The following PRDM16 variants were observed in gnomAD, a reference collection of about 807,000 sequenced individuals.
The protein encoded by PRDM16 is histone-lysine N-methyltransferase PRDM16.
Under a neutral mutation model 110.6 loss-of-function variants are expected in PRDM16, and 23 were observed. The ratio of observed to expected loss-of-function variants is 0.21; its 90% CI spans 0.15 to 0.29. The LOEUF is 0.29. Among genes scored for constraint, PRDM16 ranks in the 10% least tolerant of loss-of-function variants. The pLI is 1.00. For synonymous variants in PRDM16, 799 were observed against 781.8 expected (o/e 1.02, Z -0.37); for missense variants, 1,615 against 1,794.3 (o/e 0.90, Z 1.81).
chr1:3,328,791 G>A (rs1641977508), intron 3 of PRDM16, among the ~76,000 whole-genome samples: 1 of 152,166 alleles, frequency 6.6e-6, no homozygotes, highest in Non-Finnish European at 1.5e-5. Context: ...GCAGCCAGGT[G>A]GGGGCTTGGG....
rs1643728494 is a variant in PRDM16 at position 3,148,967 on chromosome 1, AG to A, written c.38-37152del. On this transcript the variant is annotated intron_variant, in intron 1 of 16. Transcript: ENST00000270722. The surrounding 1 kb of genome is among the most constrained non-coding windows in gnomAD (Gnocchi z 5.0). ...GCTGGAGCCCAGCTCTACTGGTATC[AG>A]GGGGGTCATGGGAGCCCCCCATCCC... is the stretch of plus-strand genomic sequence containing the variant. Among the ~76,000 whole-genome samples, 1 of 151,936 alleles carries A rather than the reference AG, an allele frequency of 6.6e-6. No individual in the cohort carries two copies. The highest frequency in any genetic ancestry group is 1.5e-5 in the Non-Finnish European group (1 of 67,892).
chr1:3,080,385 C>T lies in PRDM16; in HGVS notation c.37+11089C>T, dbSNP rs567325036. ...GCACCGGGGATTTACGGCCGACCCG[C>T]GCTTTCCGATCGGTTTCTCTACCCC... On this transcript the variant is annotated intron_variant, in intron 1 of 16. Coordinates refer to ENST00000270722, the MANE Select transcript of PRDM16 (RefSeq NM_022114.4). The surrounding 1 kb of genome is among the most constrained non-coding windows in gnomAD (Gnocchi z 5.2). 7.2e-5 allele frequency among the ~76,000 whole-genome samples: 11 copies of T among 152,306 alleles called. 1 individual carries two copies. The highest frequency in any genetic ancestry group is 2.2e-4 in the African/African-American group (9 of 41,570).
rs1404531200 is a variant in PRDM16, at chr1:3,213,388, C to G, written c.387+26914C>G. On this transcript the variant is annotated intron_variant, in intron 2 of 16. Coordinates refer to ENST00000270722, the MANE Select transcript of PRDM16 (RefSeq NM_022114.4). This position sits in a 1 kb window ranked among gnomAD's most constrained non-coding sequence, Gnocchi z 5.3. ...GGGGTGTGGGGGCGGGATGGCGGGT[C>G]CTGGGCGTCTCGGCTCCGCCATTGT... Among the ~76,000 whole-genome samples the G allele has an allele frequency of 1.3e-5, 2 of 152,162 alleles. No homozygotes were observed. Among genetic ancestry groups the G allele is most frequent in the South Asian group, 4.1e-4 (2 of 4,830 alleles).
chr1:3,313,739 C>G (rs577284812), intron 3 of PRDM16, among the ~76,000 whole-genome samples: 1 of 152,186 alleles, frequency 6.6e-6, no homozygotes, highest in Non-Finnish European at 1.5e-5. Context: ...CCTGCCCCGG[C>G]GGGCCTGGGA....
intron 2 of PRDM16, among the ~76,000 whole-genome samples, chr1:3,196,146 G>A (rs141304616): frequency 0.014 from 2,096 of 152,336 alleles, 23 homozygotes; most frequent in Non-Finnish European, 0.024. Flanking sequence ...GGTGGGAGAG[G>A]CACAGGTGAG....
intron 3 of PRDM16, among the ~76,000 whole-genome samples, chr1:3,271,026 C>T (rs541878723): frequency 6.6e-5 from 10 of 152,150 alleles, no homozygotes; most frequent in Non-Finnish European, 1.5e-4. Flanking sequence ...AGAGGCAGAC[C>T]TTGGTGTCTG....
intron 3 of PRDM16, among the ~76,000 whole-genome samples, chr1:3,310,792 C>T (rs1420275780): frequency 6.6e-6 from 1 of 151,912 alleles, no homozygotes; most frequent in East Asian, 1.9e-4. Context: ...GCATGCATGT[C>T]TGTGTGTGTG....
intron 1 of PRDM16, among the ~76,000 whole-genome samples, chr1:3,082,730 G>A (rs890612059): frequency 1.3e-5 from 2 of 152,232 alleles, no homozygotes; most frequent in African/African-American, 4.8e-5. Context: ...GGAGAGGTGG[G>A]GTGCGCTTCA....
chr1:3,186,788 G>A (rs1054840363), intron 2 of PRDM16, among the ~76,000 whole-genome samples: 10 of 152,314 alleles, frequency 6.6e-5, no homozygotes, highest in South Asian at 6.2e-4. Flanking sequence ...CTGCCATCGC[G>A]GCAGGGCAGG....
chr1:3,294,956 CAG>C (rs1641053669), intron 3 of PRDM16, among the ~76,000 whole-genome samples: 1 of 152,242 alleles, frequency 6.6e-6, no homozygotes, highest in Admixed American at 6.5e-5. Context: ...GGCCCCGTCT[CAG>C]GGACATCTTC....
chr1:3,258,907 A>G (rs1465508446), intron 3 of PRDM16, among the ~76,000 whole-genome samples: 3 of 152,226 alleles, frequency 2.0e-5, no homozygotes, highest in African/African-American at 7.2e-5. Flanking sequence ...AAGGGCAGAT[A>G]ATTATCGGAA....
chr1:3,422,494 G>C (rs945707484), intron 12 of PRDM16, among the ~76,000 whole-genome samples: 11 of 152,382 alleles, frequency 7.2e-5, no homozygotes, highest in African/African-American at 2.4e-4. Context: ...AGACTGGCAG[G>C]TGCTTTGCAT....
At chr1:3,413,016 C>T (rs940258416) in intron 9 of PRDM16, among the ~76,000 whole-genome samples, 4 of 152,132 alleles carry the variant, frequency 2.6e-5, no homozygotes, top group Admixed American at 6.5e-5. Context: ...TGGCCCGGGC[C>T]GTGTTTGGGA....
intron 3 of PRDM16, among the ~76,000 whole-genome samples, chr1:3,315,866 C>CG: frequency 6.6e-6 from 1 of 152,240 alleles, no homozygotes; most frequent in East Asian, 1.9e-4. Flanking sequence ...GTGAGGGGCC[C>CG]GGGATGAATG....
chr1:3,367,946 C>G (rs1285451390), intron 3 of PRDM16, among the ~76,000 whole-genome samples: 1 of 152,136 alleles, frequency 6.6e-6, no homozygotes, highest in Non-Finnish European at 1.5e-5. Flanking sequence ...GAGAGGAAGA[C>G]TAAACAAAAG....
intron 1 of PRDM16, among the ~76,000 whole-genome samples, chr1:3,093,004 CT>C (rs896517056): frequency 1.3e-5 from 2 of 152,192 alleles, no homozygotes; most frequent in Non-Finnish European, 2.9e-5. Flanking sequence ...CGTCCCACCT[CT>C]GTAATCACTG....
chr1:3,305,519 A>G (rs1641293394), intron 3 of PRDM16, among the ~76,000 whole-genome samples: 1 of 152,128 alleles, frequency 6.6e-6, no homozygotes, highest in East Asian at 1.9e-4. Context: ...CTGTTTGCCC[A>G]CTCGTCCACA....
rs1216659316 is a variant in PRDM16, at chr1:3,081,630, C to T, written c.37+12334C>T. Among the ~76,000 whole-genome samples the T allele has an allele frequency of 6.6e-6, 1 of 152,174 alleles. No homozygotes were observed. Among genetic ancestry groups the T allele is most frequent in the South Asian group, 2.1e-4 (1 of 4,830 alleles). Reference sequence around the variant, plus strand: ...GTGAGCACGGGGGGTGAGCAGTGGGCAGCTCCAGGAAGCCTTGCTGTGGAC... The same window carrying T: ...GTGAGCACGGGGGGTGAGCAGTGGGTAGCTCCAGGAAGCCTTGCTGTGGAC... On this transcript the variant is annotated intron_variant, in intron 1 of 16. Transcript: ENST00000270722. This position sits in a 1 kb window ranked among gnomAD's most constrained non-coding sequence, Gnocchi z 4.6.
intron 2 of PRDM16, among the ~76,000 whole-genome samples, chr1:3,202,672 G>C (rs1638660248): frequency 6.6e-6 from 1 of 152,190 alleles, no homozygotes; most frequent in South Asian, 2.1e-4. Flanking sequence ...CAGTAGCTTT[G>C]TGAGGTTTTC....
Sources: gnomAD v4.1 joint callset for allele counts (sites outside exome capture counted in the v4.1 genomes callset) on GRCh38, gnomAD v4.1.1 for gene constraint, Gnocchi (gnomAD v3.1) non-coding constraint, MANE v1.5 for transcripts, NCBI Gene and HGNC (gene_info 2026-07-23, HGNC 2026-07-21) for gene names.